ANO3: variants seen among roughly 807,000 people sequenced by gnomAD.
The protein encoded by ANO3 is anoctamin-3.
In ANO3, 99 loss-of-function variants were observed where a neutral mutation model predicts 144.8. The ratio of observed to expected loss-of-function variants is 0.68; its 90% confidence interval spans 0.58 to 0.81. The LOEUF (loss-of-function observed/expected upper bound fraction) is 0.81, where lower values mean the gene tolerates loss of function less well. ANO3 is among the 30% of genes least tolerant of loss of function. The probability of loss-of-function intolerance (pLI) is 0.00; values close to 1 mark genes in which losing one functional copy is unlikely to be tolerated. For missense variants in ANO3, 905 were observed against 1,202.2 expected (o/e 0.75, Z 3.66); for synonymous variants, 414 against 392.6 (o/e 1.05, Z -0.64).
At chr11:26,641,106 A>G (rs908358132) in intron 21 of ANO3, among the ~76,000 whole-genome samples, 1 of 152,206 alleles carries the variant, frequency 6.6e-6, no homozygotes, top group African/African-American at 2.4e-5. Flanking sequence ...CCAGAAGGCC[A>G]CAATATGTGC....
chr11:26,220,820 T>A (rs1001499928), intron 1 of ANO3, among the ~76,000 whole-genome samples: 3 of 152,138 alleles, frequency 2.0e-5, no homozygotes, highest in African/African-American at 7.2e-5. Context: ...AGGGATGGTA[T>A]CTAGGGCACC....
intron 1 of ANO3, among the ~76,000 whole-genome samples, chr11:26,267,115 GAAAAGAA>G (rs1219448966): frequency 2.3e-4 from 33 of 144,390 alleles, no homozygotes; most frequent in African/African-American, 7.9e-4. Flanking sequence ...AAAAAGAAAA[GAAAAGAA>G]AAAGACTTTT....
chr11:26,379,640 A>C (rs2064948852), intron 1 of ANO3, among the ~76,000 whole-genome samples: 2 of 152,076 alleles, frequency 1.3e-5, no homozygotes, highest in Non-Finnish European at 2.9e-5. Context: ...AAAAGAAAAA[A>C]AAATGAACTG....
chr11:26,399,545 A>G (rs1055840042), intron 1 of ANO3, among the ~76,000 whole-genome samples: 5 of 151,912 alleles, frequency 3.3e-5, no homozygotes, highest in African/African-American at 1.2e-4. Flanking sequence ...TGGGAGGCCC[A>G]TATCTGGGAG....
rs115607648 is a variant in ANO3 at position 26,261,637 on chromosome 11, C to T, written c.155-48008C>T. Among the ~76,000 whole-genome samples, 954 of 152,282 alleles carry T rather than the reference C, an allele frequency of 6.3e-3. 8 individuals are homozygous for T. Among genetic ancestry groups the T allele is most frequent in the African/African-American group, 0.019 (773 of 41,556 alleles). On this transcript the variant is annotated intron_variant, in intron 1 of 27. Transcript: ENST00000672621. ...TGATCCCATGCATCACACTTTATTCCACAACCGACAGTCACTAGGGCACAC... is the reference window on the plus strand; with the variant it reads ...TGATCCCATGCATCACACTTTATTCTACAACCGACAGTCACTAGGGCACAC...
intron 4 of ANO3, among the ~76,000 whole-genome samples, chr11:26,463,403 C>A (rs1859490136): frequency 1.3e-5 from 2 of 151,768 alleles, no homozygotes; most frequent in Admixed American, 1.3e-4. Flanking sequence ...TTAATAGTCC[C>A]TTTAAGGCTT....
At chr11:26,268,008 C>T (rs1402628919) in intron 1 of ANO3, among the ~76,000 whole-genome samples, 2 of 152,016 alleles carry the variant, frequency 1.3e-5, no homozygotes, top group Non-Finnish European at 2.9e-5. Flanking sequence ...ATAAGATAAA[C>T]AGGAATCACT....
chr11:26,352,704 T>C (rs1054450390), intron 1 of ANO3, among the ~76,000 whole-genome samples: 3 of 152,246 alleles, frequency 2.0e-5, no homozygotes, highest in Non-Finnish European at 4.4e-5. Context: ...TTCTCTTTGC[T>C]TTCTTTGTTT....
intron 1 of ANO3, among the ~76,000 whole-genome samples, chr11:26,248,023 A>T (rs1852838669): frequency 6.6e-6 from 1 of 151,490 alleles, no homozygotes; most frequent in African/African-American, 2.4e-5. Flanking sequence ...GAGCCAACAT[A>T]CCTGGACGCT....
chr11:26,367,379 A>C (rs1856122904), intron 1 of ANO3, among the ~76,000 whole-genome samples: 1 of 152,170 alleles, frequency 6.6e-6, no homozygotes, highest in Non-Finnish European at 1.5e-5. Flanking sequence ...CTATTGCTCC[A>C]GGTTCCAGTA....
At chr11:26,652,684 T>TA (rs1853570312) in intron 24 of ANO3, among the ~76,000 whole-genome samples, 2 of 152,346 alleles carry the variant, frequency 1.3e-5, no homozygotes, top group South Asian at 4.1e-4. Context: ...GCCTTCCAGT[T>TA]ACATCTTTAT....
chr11:26,609,549 G>C (rs187277108), intron 17 of ANO3, among the ~76,000 whole-genome samples: 22 of 151,982 alleles, frequency 1.4e-4, no homozygotes, highest in African/African-American at 5.3e-4. Context: ...TAATATTCAC[G>C]GTTCTTTTGG....
intron 1 of ANO3, among the ~76,000 whole-genome samples, chr11:26,374,866 C>T (rs1856361760): frequency 6.6e-6 from 1 of 152,178 alleles, no homozygotes. Flanking sequence ...GACTAAGCCT[C>T]CTGAGTAACT....
intron 24 of ANO3, among the ~76,000 whole-genome samples, chr11:26,654,347 T>A (rs1172258951): frequency 6.6e-6 from 1 of 152,128 alleles, no homozygotes; most frequent in African/African-American, 2.4e-5. Flanking sequence ...TTTTTAGATT[T>A]ATGCCCAGAT....
chr11:26,653,171 G>A (rs149043734), intron 24 of ANO3, among the ~76,000 whole-genome samples: 15 of 152,156 alleles, frequency 9.9e-5, no homozygotes, highest in East Asian at 7.8e-4. Flanking sequence ...ATATTCCACT[G>A]TCTGCTTGGC....
intron 1 of ANO3, among the ~76,000 whole-genome samples, chr11:26,290,690 G>A (rs1428176191): frequency 1.3e-5 from 2 of 152,198 alleles, no homozygotes; most frequent in South Asian, 2.1e-4. Context: ...TCAGGAGCAG[G>A]TTGTTCAGTT....
intron 4 of ANO3, among the ~76,000 whole-genome samples, chr11:26,483,090 A>G (rs1466748622): frequency 6.6e-6 from 1 of 151,978 alleles, no homozygotes; most frequent in Non-Finnish European, 1.5e-5. Flanking sequence ...CTATATACCT[A>G]GTAATGAGAA....
At chr11:26,607,453 C>T (rs1851967960) in intron 17 of ANO3, among the ~76,000 whole-genome samples, 1 of 152,136 alleles carries the variant, frequency 6.6e-6, no homozygotes, top group Non-Finnish European at 1.5e-5. Context: ...TTATATACTC[C>T]AATCAATTGT....
intron 1 of ANO3, among the ~76,000 whole-genome samples, chr11:26,389,501 T>C (rs1856820939): frequency 6.6e-6 from 1 of 152,064 alleles, no homozygotes; most frequent in Non-Finnish European, 1.5e-5. Context: ...TATAAATATA[T>C]ATATATGCCG....
Sources: gnomAD v4.1 joint callset for allele counts (sites outside exome capture counted in the v4.1 genomes callset) on GRCh38, gnomAD v4.1.1 for gene constraint, MANE v1.5 for transcripts, NCBI Gene and HGNC (gene_info 2026-07-23, HGNC 2026-07-21) for gene names.